RPH3AL: variants seen among roughly 807,000 people sequenced by gnomAD.
The protein encoded by RPH3AL is rab effector Noc2.
Under a neutral mutation model 43.1 loss-of-function variants are expected in RPH3AL, and 38 were observed. The observed-to-expected ratio is 0.88, with a 90% CI of 0.68 to 1.15. RPH3AL has a LOEUF of 1.15. Among genes scored for constraint, RPH3AL ranks in the 50% most tolerant of loss-of-function variants. The probability of loss-of-function intolerance (pLI) is 0.00; values close to 1 mark genes in which losing one functional copy is unlikely to be tolerated. For synonymous variants in RPH3AL, 189 were observed against 176.3 expected, an observed-to-expected ratio of 1.07 and a Z score of -0.57; for missense variants, 462 against 423.2, an observed-to-expected ratio of 1.09 and a Z score of -0.81.
At chr17:247,925 C>T (rs1555540863) in intron 6 of RPH3AL, among the ~76,000 whole-genome samples, 1 of 152,192 alleles carries the variant, frequency 6.6e-6, no homozygotes, top group Non-Finnish European at 1.5e-5. Flanking sequence ...GCCAGCTGAC[C>T]TCCCGGGCAC....
chr17:228,802 CCT>C (rs1434647523), intron 7 of RPH3AL, among the ~76,000 whole-genome samples: 1 of 152,180 alleles, frequency 6.6e-6, no homozygotes, highest in Non-Finnish European at 1.5e-5. Context: ...CGGCCAGTCC[CCT>C]CTCGGTCTCC....
chr17:268,040 G>A (rs1474487019), intron 6 of RPH3AL, among the ~76,000 whole-genome samples: 4 of 152,034 alleles, frequency 2.6e-5, no homozygotes, highest in South Asian at 2.1e-4. Flanking sequence ...CTGGAATTTT[G>A]TATTAAGCAA....
rs117910347 is a variant in RPH3AL, at chr17:253,353, G to C, written c.439-6068C>G. Among the ~76,000 whole-genome samples, 113 of 152,238 alleles carry C rather than the reference G, an allele frequency of 7.4e-4. 2 individuals are homozygous for C. The East Asian group carries it at 0.018, about 25-fold the overall frequency. The stretch of plus-strand genomic sequence containing the variant: ...TCTGTCGTGAGTCTTCAGGGGAAGA[G>C]ACTAAGACACCCCACAGAGCTGCAT... On this transcript the variant is annotated intron_variant, in intron 6 of 9. Coordinates refer to ENST00000331302, the MANE Select transcript of RPH3AL (RefSeq NM_006987.4).
intron 7 of RPH3AL, among the ~76,000 whole-genome samples, chr17:234,781 A>C (rs550748498): frequency 6.6e-6 from 1 of 152,330 alleles, no homozygotes; most frequent in African/African-American, 2.4e-5. Flanking sequence ...GTCTGCTAGC[A>C]AAATACGGGG....
rs71372188 is a variant in RPH3AL, at chr17:242,985, A to T, written c.613+4126T>A. Among the ~76,000 whole-genome samples, 99 of 64,708 alleles carry T rather than the reference A, an allele frequency of 1.5e-3. 1 individual carries two copies. The highest frequency in any genetic ancestry group is 0.014 in the Middle Eastern group (1 of 70). The allele number at this position is 64,708 out of a possible 152,430, so 42.5% of individuals were successfully genotyped here. On this transcript the variant is annotated intron_variant, in intron 7 of 9. Coordinates refer to ENST00000331302, the MANE Select transcript of RPH3AL (RefSeq NM_006987.4). ...TCTATTGACTACCTTCCTCTATTGA[A>T]TACCTTCCTCTATTGAATACCTTCC...
At chr17:334,461 G>A (rs1048691550) in intron 1 of RPH3AL, among the ~76,000 whole-genome samples, 15 of 149,720 alleles carry the variant, frequency 1.0e-4, no homozygotes, top group East Asian at 2.0e-4. Flanking sequence ...TTCTCCCCAC[G>A]CCTTCTCCGA....
chr17:341,154 GC>G (rs1369330831), intron 1 of RPH3AL: 1 of 149,992 alleles, frequency 6.7e-6, no homozygotes, highest in East Asian at 2.0e-4. Flanking sequence ...CACACTTACT[GC>G]CCAGGGCTGA....
At chr17:319,141 A>G (rs1261923846) in intron 5 of RPH3AL, among the ~76,000 whole-genome samples, 2 of 152,224 alleles carry the variant, frequency 1.3e-5, no homozygotes, top group African/African-American at 4.8e-5. Flanking sequence ...CAGAAGAGCT[A>G]GATTCACAGC....
intron 7 of RPH3AL, among the ~76,000 whole-genome samples, chr17:243,812 C>T (rs2041661737): frequency 1.3e-5 from 2 of 150,524 alleles, no homozygotes; most frequent in Admixed American, 1.3e-4. Context: ...GATTGCCCCT[C>T]TACTGATTAC....
intron 1 of RPH3AL, among the ~76,000 whole-genome samples, chr17:336,594 G>A (rs754116887): frequency 1.3e-5 from 2 of 152,118 alleles, no homozygotes; most frequent in Non-Finnish European, 2.9e-5. Context: ...GGGGCTCCCC[G>A]TTGCCCCTCT....
chr17:241,849 C>T (rs2041545528), intron 7 of RPH3AL, among the ~76,000 whole-genome samples: 1 of 151,132 alleles, frequency 6.6e-6, no homozygotes, highest in Non-Finnish European at 1.5e-5. Flanking sequence ...GGCATGGTGG[C>T]TCATGCTGGT....
intron 6 of RPH3AL, among the ~76,000 whole-genome samples, chr17:272,762 T>TCACACACA (rs71143491): frequency 0.018 from 2,645 of 145,812 alleles, 46 homozygotes; most frequent in Non-Finnish European, 0.019. Flanking sequence ...ATTATTTAAG[T>TCACACACA]CACACACACA....
intron 7 of RPH3AL, among the ~76,000 whole-genome samples, chr17:227,060 G>A (rs2041123681): frequency 6.6e-6 from 1 of 152,208 alleles, no homozygotes; most frequent in South Asian, 2.1e-4. Context: ...GTGCCGCCGA[G>A]AGGCAGGGGT....
chr17:321,758 C>A, intron 3 of RPH3AL: 1 of 269,504 alleles, frequency 3.7e-6, no homozygotes, highest in Non-Finnish European at 7.0e-6. Flanking sequence ...ACGCGGGCAA[C>A]AGAGACGGGG....
At chr17:243,948 C>T (rs149195160) in intron 7 of RPH3AL, among the ~76,000 whole-genome samples, 11,779 of 137,408 alleles carry the variant, frequency 0.086, 566 homozygotes, top group African/African-American at 0.15. Flanking sequence ...CCTTCCTCTA[C>T]TGATTACCCT....
rs529112261 is a variant in RPH3AL at position 290,328 on chromosome 17, T to C, written c.352-8474A>G. 5.0e-4 allele frequency among the ~76,000 whole-genome samples: 76 copies of C among 152,160 alleles called. No individual in the cohort carries two copies. Among genetic ancestry groups the C allele is most frequent in the African/African-American group, 1.8e-3 (75 of 41,496 alleles). ...GGCCAGGTGGGCCTCAGTCTCAGGG[T>C]ATGGAGCATAAACCCAGGCTGGCCC... On this transcript the variant is annotated intron_variant, in intron 5 of 9. Coordinates refer to ENST00000331302, the MANE Select transcript of RPH3AL (RefSeq NM_006987.4). This position sits in a 1 kb window ranked among gnomAD's most constrained non-coding sequence, Gnocchi z 4.2.
intron 1 of RPH3AL, among the ~76,000 whole-genome samples, chr17:342,454 C>G (rs1342821189): frequency 6.6e-6 from 1 of 152,196 alleles, no homozygotes; most frequent in Non-Finnish European, 1.5e-5. Context: ...GGAAACAACT[C>G]AAATGTCCAT....
chr17:306,943 G>A (rs543739294), intron 5 of RPH3AL, among the ~76,000 whole-genome samples: 1 of 152,200 alleles, frequency 6.6e-6, no homozygotes, highest in Non-Finnish European at 1.5e-5. Context: ...CACTGCCTCT[G>A]CCGAGCTGTG....
Position 289,634 on chromosome 17 carries a change from C to T in RPH3AL, c.352-7780G>A, listed in dbSNP as rs1485725362. On this transcript the variant is annotated intron_variant, in intron 5 of 9. Transcript: ENST00000331302. The surrounding 1 kb of genome is among the most constrained non-coding windows in gnomAD (Gnocchi z 5.2). Reference sequence around the variant, plus strand: ...CTTCCCGCTGCTCTGGGGTGACCACCGCCTCACTTCATACGGCATTCGGGC... The same window carrying T: ...CTTCCCGCTGCTCTGGGGTGACCACTGCCTCACTTCATACGGCATTCGGGC... 2.6e-5 allele frequency among the ~76,000 whole-genome samples: 4 copies of T among 152,178 alleles called. No individual in the cohort carries two copies. The highest frequency in any genetic ancestry group is 9.7e-5 in the African/African-American group (4 of 41,440).
Sources: allele counts gnomAD v4.1 joint callset (sites outside exome capture counted in the v4.1 genomes callset), GRCh38; gene constraint gnomAD v4.1.1; non-coding constraint Gnocchi (gnomAD v3.1); transcripts MANE v1.5; gene names NCBI Gene and HGNC (gene_info 2026-07-23, HGNC 2026-07-21).